The following DRG1 variants were observed in gnomAD, a reference collection of about 807,000 sequenced individuals.
DRG1 encodes the protein developmentally-regulated GTP-binding protein 1.
In DRG1, 19 loss-of-function variants were observed where a neutral mutation model predicts 38.8. The ratio of observed to expected loss-of-function variants is 0.49; its 90% confidence interval spans 0.34 to 0.72. The LOEUF (loss-of-function observed/expected upper bound fraction) is 0.72. Among genes scored for constraint, DRG1 ranks in the 30% least tolerant of loss-of-function variants. The pLI is 0.01. For synonymous variants in DRG1, 167 were observed against 157.5 expected, an observed-to-expected ratio of 1.06 and a Z score of -0.45; for missense variants, 299 against 444.8, an observed-to-expected ratio of 0.67 and a Z score of 2.95.
At chr22:31,429,397 C>T (rs889686678) in intron 8 of DRG1, among the ~76,000 whole-genome samples, 1 of 152,070 alleles carries the variant, frequency 6.6e-6, no homozygotes, top group African/African-American at 2.4e-5. Flanking sequence ...GGATTACACA[C>T]AGGCATGAGC....
intron 8 of DRG1, among the ~76,000 whole-genome samples, chr22:31,431,120 C>T (rs1164397001): frequency 2.0e-5 from 3 of 148,250 alleles, no homozygotes; most frequent in East Asian, 2.0e-4. Context: ...CTGCAAGCTC[C>T]GCCTCCCGGG....
chr22:31,418,256 A>G (rs1236013351), intron 4 of DRG1, among the ~76,000 whole-genome samples: 1 of 152,066 alleles, frequency 6.6e-6, no homozygotes, highest in Non-Finnish European at 1.5e-5. Flanking sequence ...CAACCTGGGC[A>G]ACATTGCAAG....
At chr22:31,400,483 T>A (rs2049954882) in intron 1 of DRG1, 137 bp from the exon 2 acceptor site, 4 of 1,054,736 alleles carry the variant, frequency 3.8e-6, no homozygotes, top group Non-Finnish European at 4.1e-6. Context: ...ATGGAGGAGA[T>A]AATGGACTTT....
chr22:31,410,241 G>C (rs1424266392), intron 3 of DRG1, among the ~76,000 whole-genome samples: 1 of 152,036 alleles, frequency 6.6e-6, no homozygotes, highest in African/African-American at 2.4e-5. Flanking sequence ...CAGATCTCGA[G>C]TTCAGGAGTT....
intron 4 of DRG1, among the ~76,000 whole-genome samples, chr22:31,411,547 T>TG (rs1295373226): frequency 1.7e-4 from 26 of 150,076 alleles, no homozygotes; most frequent in Non-Finnish European, 2.8e-4. Context: ...TTTTTTTTTT[T>TG]GGGACAGTGG....
intron 5 of DRG1, chr22:31,421,395 T>A (rs1431916830): frequency 6.6e-6 from 1 of 151,532 alleles, no homozygotes; most frequent in Non-Finnish European, 1.5e-5. Flanking sequence ...GTGTTGGGAT[T>A]ACAGGTATGA....
rs58050898 is a variant in DRG1, at chr22:31,411,696, AT to A, written c.412+628del. The stretch of plus-strand genomic sequence containing the variant: ...AGGGGTGTGTCACTATGCCTGGCTA[AT>A]TTTTTTTTTTTTGGTAGAGACGGAG... On this transcript the variant is annotated intron_variant, in intron 4 of 8. Transcript: ENST00000331457. Among the ~76,000 whole-genome samples, 1,159 of 142,794 alleles carry A rather than the reference AT, an allele frequency of 8.1e-3. 13 individuals are homozygous for A. The highest frequency in any genetic ancestry group is 0.022 in the African/African-American group (853 of 39,252). The allele number at this position is 142,794 out of a possible 152,430, so 93.7% of individuals were successfully genotyped here.
chr22:31,433,663 A>G (rs761600522), intron 8 of DRG1, among the ~76,000 whole-genome samples: 1 of 152,218 alleles, frequency 6.6e-6, no homozygotes, highest in Non-Finnish European at 1.5e-5. Flanking sequence ...ACTTTCTGCA[A>G]TAAGAGGAAC....
intron 5 of DRG1, among the ~76,000 whole-genome samples, chr22:31,422,117 A>AAG (rs2050080222): frequency 6.7e-6 from 1 of 149,588 alleles, no homozygotes; most frequent in African/African-American, 2.4e-5. Flanking sequence ...CTCAAAAAAA[A>AAG]AAAGAAAGAA....
intron 6 of DRG1, among the ~76,000 whole-genome samples, chr22:31,424,464 T>A (rs1308910983): frequency 6.6e-6 from 1 of 150,428 alleles, no homozygotes; most frequent in Non-Finnish European, 1.5e-5. Context: ...GTTACTATCT[T>A]AAATGATAGT....
chr22:31,411,648 GCCTCC>G (rs2145862248), intron 4 of DRG1, among the ~76,000 whole-genome samples: 1 of 150,060 alleles, frequency 6.7e-6, no homozygotes, highest in Admixed American at 6.7e-5. Flanking sequence ...TCCCACCTCA[GCCTCC>G]CAGGTAGCAG....
intron 4 of DRG1, among the ~76,000 whole-genome samples, chr22:31,418,813 C>T (rs776726876): frequency 1.3e-5 from 2 of 152,176 alleles, no homozygotes; most frequent in Non-Finnish European, 2.9e-5. Context: ...TCCCAAGTAG[C>T]TGGGACTACA....
chr22:31,399,661 G>C lies in DRG1; in HGVS notation c.-23G>C. 6.2e-7 allele frequency: 1 copy of C among 1,614,056 alleles called. No homozygotes were observed. The highest frequency in any genetic ancestry group is 8.5e-7 in the Non-Finnish European group (1 of 1,179,904). ...CGGGTGTGTGAAGGGAGACAGTGTG[G>C]AGGCCACAGGGTACTCGCCACGATG... On this transcript the variant is annotated 5_prime_UTR_variant, in exon 1 of 9. Transcript: ENST00000331457.
At chr22:31,429,280 G>A (rs780552372) in intron 8 of DRG1, among the ~76,000 whole-genome samples, 2 of 151,596 alleles carry the variant, frequency 1.3e-5, no homozygotes, top group Non-Finnish European at 2.9e-5. Context: ...CACCGTGCCC[G>A]GCTAATTTTT....
chr22:31,408,138 T>C (rs1423089889), intron 3 of DRG1, among the ~76,000 whole-genome samples: 11 of 123,260 alleles, frequency 8.9e-5, no homozygotes, highest in East Asian at 2.5e-4. Context: ...TTCCTTCTTT[T>C]TTTTTTTTTT....
intron 4 of DRG1, among the ~76,000 whole-genome samples, chr22:31,415,513 C>T (rs1249663603): frequency 6.6e-6 from 1 of 152,152 alleles, no homozygotes; most frequent in Non-Finnish European, 1.5e-5. Context: ...GTGTGTGCCA[C>T]CACGCCTGGC....
intron 3 of DRG1, among the ~76,000 whole-genome samples, chr22:31,406,365 CATATAA>C (rs2049990289): frequency 4.6e-5 from 7 of 152,176 alleles, no homozygotes. Flanking sequence ...ACAAAAACCA[CATATAA>C]ATATAAATGC....
rs534651180 is a variant in DRG1, at chr22:31,434,033, C to G, written c.*62C>G. Reference sequence around the variant, plus strand: ...ACAGCGTTCCCCATGATCAAGCACCCTACCCCAGTTCTTTCTGGTTTTGGC... The same window carrying G: ...ACAGCGTTCCCCATGATCAAGCACCGTACCCCAGTTCTTTCTGGTTTTGGC... On this transcript the variant is annotated 3_prime_UTR_variant, in exon 9 of 9. Coordinates refer to ENST00000331457, the MANE Select transcript of DRG1 (RefSeq NM_004147.4). 3.0e-5 allele frequency: 45 copies of G among 1,494,820 alleles called. No individual in the cohort carries two copies. The East Asian group carries it at 1.0e-3, about 33-fold the overall frequency. The allele number at this position is 1,494,820 out of a possible 1,614,324, so 92.6% of individuals were successfully genotyped here. A position where few individuals can be genotyped will look rare whatever the true frequency, so the allele number is the denominator to read the frequency against.
intron 4 of DRG1, 121 bp downstream of exon 4, chr22:31,411,202 T>G: frequency 1.9e-6 from 2 of 1,049,904 alleles, no homozygotes. Context: ...TCACCTGACT[T>G]CTCATTTAAG....
Sources: gnomAD v4.1 joint callset for allele counts (sites outside exome capture counted in the v4.1 genomes callset) on GRCh38, gnomAD v4.1.1 for gene constraint, MANE v1.5 for transcripts, NCBI Gene and HGNC (gene_info 2026-07-23, HGNC 2026-07-21) for gene names.